The following LPL variants were observed in gnomAD, a reference collection of about 807,000 sequenced individuals.
The protein encoded by LPL is phospholipase A1.
In LPL, 43 loss-of-function variants were observed where a neutral mutation model predicts 52.2. That is an observed-to-expected ratio of 0.82 (90% CI 0.64 to 1.06). The LOEUF (loss-of-function observed/expected upper bound fraction) is 1.06. Ranked by LOEUF, LPL falls within the 50% of genes least tolerant of loss-of-function variation. The pLI is 0.00. For missense variants in LPL, 639 were observed against 585.3 expected (o/e 1.09, Z -0.95); for synonymous variants, 244 against 215.6 (o/e 1.13, Z -1.15).
intron 6 of LPL, among the ~76,000 whole-genome samples, chr8:19,956,838 T>C (rs1032395682): frequency 6.6e-6 from 1 of 152,150 alleles, no homozygotes; most frequent in Admixed American, 6.5e-5. Flanking sequence ...TTTATTTATT[T>C]AATTTGAGAT....
In LPL at chr8:19,941,153, G is replaced by GA. The variant is rs1210816979; in HGVS notation, c.88+1632dup. Reference sequence around the variant, plus strand: ...ATTCCATCAAAGCAAAATTGGATAAGAAAAAAAGTATCTTTTCTATTGGAT... The same window carrying GA: ...ATTCCATCAAAGCAAAATTGGATAAGAAAAAAAAGTATCTTTTCTATTGGAT... On this transcript the variant is annotated intron_variant, in intron 1 of 9. Coordinates refer to ENST00000650287, the MANE Select transcript of LPL (RefSeq NM_000237.3). Among the ~76,000 whole-genome samples, 3 of 152,102 alleles carry GA rather than the reference G, an allele frequency of 2.0e-5. 1 individual carries two copies. The highest frequency in any genetic ancestry group is 2.0e-4 in the Admixed American group (3 of 15,272).
intron 2 of LPL, 135 bp downstream of exon 2, chr8:19,948,475 G>C: frequency 1.9e-6 from 2 of 1,065,476 alleles, no homozygotes; most frequent in South Asian, 3.3e-5. Flanking sequence ...AATAAAGACA[G>C]TTCTGGCTCA....
At chr8:19,951,715 T>C (rs760491731) in intron 2 of LPL, 54 bp from the exon 3 acceptor site, 8 of 1,594,484 alleles carry the variant, frequency 5.0e-6, no homozygotes, top group African/African-American at 1.3e-5. Context: ...GGCTGATGTA[T>C]CTATGACAAG....
rs565673186 is a variant in LPL, at chr8:19,947,146, A to G, written c.89-1034A>G. Among the ~76,000 whole-genome samples the G allele has an allele frequency of 3.9e-5, 6 of 152,334 alleles. No individual in the cohort carries two copies. The South Asian group carries it at 1.2e-3, about 32-fold the overall frequency. The stretch of plus-strand genomic sequence containing the variant: ...TATATCTTGCCATAGGAGTGGGAAC[A>G]GTTTCATACAAAAGCCTCCTCATGC... On this transcript the variant is annotated intron_variant, in intron 1 of 9. Coordinates refer to ENST00000650287, the MANE Select transcript of LPL (RefSeq NM_000237.3).
chr8:19,951,660 G>C, intron 2 of LPL, 109 bp from the exon 3 acceptor site: 1 of 1,171,518 alleles, frequency 8.5e-7, no homozygotes, highest in Non-Finnish European at 1.3e-6. Context: ...TGTGCCAATG[G>C]GTTTCCAATC....
Position 19,939,393 on chromosome 8 carries a change from A to T in LPL, c.-48A>T, listed in dbSNP as rs891857620. ...CTCCAGCCTCCGGCTCAGCCGGCTC[A>T]TCAGTCGGTCCGCGCCTTGCAGCTC... is the stretch of plus-strand genomic sequence containing the variant. On this transcript the variant is annotated 5_prime_UTR_variant, in exon 1 of 10. Coordinates refer to ENST00000650287, the MANE Select transcript of LPL (RefSeq NM_000237.3). This position sits in a 1 kb window ranked among gnomAD's most constrained non-coding sequence, Gnocchi z 4.0. 7 of 1,554,134 alleles carry T rather than the reference A, an allele frequency of 4.5e-6. No homozygotes were observed. The highest frequency in any genetic ancestry group is 5.2e-6 in the Non-Finnish European group (6 of 1,146,156).
chr8:19,939,453 G>A lies in LPL; in HGVS notation c.13G>A (p.Ala5Thr), dbSNP rs1208045265. The change falls in exon 1 of 10, where the codon GCC becomes ACC. Residue 5 changes from alanine (A) to threonine (T), a missense_variant. By Grantham distance (58) the Ala-to-Thr change is moderately conservative. Transcript: ENST00000650287. The surrounding 1 kb of genome is among the most constrained non-coding windows in gnomAD (Gnocchi z 4.0). MESKALLVLTLAVWL... is the reference protein window; with the variant it reads MESKTLLVLTLAVWL... Reference sequence around the variant, plus strand: ...GACGCGCCCCGAGATGGAGAGCAAAGCCCTGCTCGTGCTGACTCTGGCCGT... The same window carrying A: ...GACGCGCCCCGAGATGGAGAGCAAAACCCTGCTCGTGCTGACTCTGGCCGT... The A allele has an allele frequency of 6.2e-7, 1 of 1,610,382 alleles. No individual in the cohort carries two copies. Among genetic ancestry groups the A allele is most frequent in the Admixed American group, 1.7e-5 (1 of 59,638 alleles).
intron 1 of LPL, among the ~76,000 whole-genome samples, chr8:19,947,259 C>T (rs1347422014): frequency 6.6e-6 from 1 of 152,094 alleles, no homozygotes; most frequent in Non-Finnish European, 1.5e-5. Flanking sequence ...AATCCCAGCA[C>T]TTTAGGAGGC....
At position 19,965,537 on chromosome 8, in the gene LPL, C is replaced by A; in HGVS notation, c.*227C>A. 1 of 536,160 alleles carries A rather than the reference C, an allele frequency of 1.9e-6. No homozygotes were observed. Among genetic ancestry groups the A allele is most frequent in the Non-Finnish European group, 3.3e-6 (1 of 301,054 alleles). The allele number at this position is 536,160 out of a possible 1,614,324, so 33.2% of individuals were successfully genotyped here. On this transcript the variant is annotated 3_prime_UTR_variant, in exon 10 of 10. Coordinates refer to ENST00000650287, the MANE Select transcript of LPL (RefSeq NM_000237.3). ...GTATAGTGGCCAAATAGCACATCCT[C>A]CAACGTTAAAAGACAGTGGATCATG...
intron 9 of LPL, among the ~76,000 whole-genome samples, chr8:19,964,598 C>T (rs1255639620): frequency 1.3e-5 from 2 of 152,040 alleles, no homozygotes; most frequent in African/African-American, 2.4e-5. Context: ...GGCGTGATCT[C>T]GGCTCAATGC....
rs751202057 is a variant in LPL at position 19,959,254 on chromosome 8, C to A, written c.1019-6C>A. ...GATCAACATGTTCGAATTTCCTCCC[C>A]AACAGTCTTCCATTACCAAGTAAAG... On this transcript the variant is annotated splice_polypyrimidine_tract_variant and splice_region_variant and intron_variant, in intron 6 of 9. Coordinates refer to ENST00000650287, the MANE Select transcript of LPL (RefSeq NM_000237.3). The A allele has an allele frequency of 2.5e-6, 4 of 1,614,100 alleles. No homozygotes were observed. The Admixed American group carries it at 5.0e-5, about 20-fold the overall frequency.
intron 1 of LPL, among the ~76,000 whole-genome samples, chr8:19,941,780 C>A (rs866199557): frequency 1.3e-5 from 2 of 152,150 alleles, no homozygotes; most frequent in Admixed American, 1.3e-4. Context: ...GGTAGAAAGA[C>A]AGGGATCACC....
intron 2 of LPL, chr8:19,948,564 G>A (rs956014987): frequency 3.8e-6 from 2 of 532,092 alleles, no homozygotes; most frequent in African/African-American, 1.9e-5. Flanking sequence ...TACCTGGTTG[G>A]TGCCCTTGAG....
At chr8:19,962,299 C>A in intron 9 of LPL, 80 bp downstream of exon 9, 1 of 1,029,558 alleles carries the variant, frequency 9.7e-7, no homozygotes. Context: ...TCCTCTTCAC[C>A]CCATCACCAG....
chr8:19,953,590 A>G (rs1282945659), intron 4 of LPL, among the ~76,000 whole-genome samples, 169 bp downstream of exon 4: 4 of 152,178 alleles, frequency 2.6e-5, no homozygotes, highest in African/African-American at 7.2e-5. Context: ...ATAAGAAAAA[A>G]CACAGACGCT....
intron 1 of LPL, among the ~76,000 whole-genome samples, chr8:19,941,628 G>T (rs34309063): frequency 6.6e-6 from 1 of 152,038 alleles, no homozygotes; most frequent in Non-Finnish European, 1.5e-5. Flanking sequence ...GACTGGAAAC[G>T]ATGCCCTCCC....
intron 7 of LPL, among the ~76,000 whole-genome samples, chr8:19,960,548 G>C (rs568415984): frequency 9.9e-5 from 15 of 152,254 alleles, no homozygotes; most frequent in African/African-American, 3.1e-4. Flanking sequence ...ATAAAGAATA[G>C]AGAATCGTAT....
intron 9 of LPL, 58 bp downstream of exon 9, chr8:19,962,277 A>ATGAAGCTGCCTCCCTTAGG: frequency 7.9e-7 from 1 of 1,271,368 alleles, no homozygotes; most frequent in Non-Finnish European, 1.2e-6. Flanking sequence ...TAAGGGAGGC[A>ATGAAGCTGCCTCCCTTAGG]GCTTCATGCA....
chr8:19,951,594 C>A, intron 2 of LPL, 175 bp from the exon 3 acceptor site: 2 of 766,020 alleles, frequency 2.6e-6, no homozygotes, highest in Non-Finnish European at 4.6e-6. Flanking sequence ...CTTAGATCTG[C>A]CTTGGAAGGG....
Sources: allele counts gnomAD v4.1 joint callset (sites outside exome capture counted in the v4.1 genomes callset), GRCh38; gene constraint gnomAD v4.1.1; non-coding constraint Gnocchi (gnomAD v3.1); transcripts MANE v1.5; gene names NCBI Gene and HGNC (gene_info 2026-07-23, HGNC 2026-07-21).